Variants in NMI observed in about 807,000 individuals in gnomAD.
NMI encodes N-myc-interactor.
A neutral mutation model predicts 34.3 loss-of-function variants in NMI; 39 were observed. The observed-to-expected ratio is 1.14, with a 90% CI of 0.88 to 1.49. NMI has a LOEUF of 1.49. Among genes scored for constraint, NMI ranks in the 40% most tolerant of loss-of-function variants. The probability of loss-of-function intolerance (pLI) is 0.00; values close to 1 mark genes in which losing one functional copy is unlikely to be tolerated. For synonymous variants in NMI, 113 were observed against 120.3 expected (o/e 0.94, Z 0.40); for missense variants, 339 against 358.1 (o/e 0.95, Z 0.43).
Position 151,283,999 on chromosome 2 carries a change from ACATTGATATATAT to A in NMI, c.-6-1058_-6-1046del, listed in dbSNP as rs555390712. On this transcript the variant is annotated intron_variant, in intron 1 of 7. Coordinates refer to ENST00000243346, the MANE Select transcript of NMI (RefSeq NM_004688.3). ...ACTAGGTCTTGTAATATATTGTAAT[ACATTGATATATAT>A]CACTATATCAAACATTTGCTTTTTA... 9.0e-3 allele frequency among the ~76,000 whole-genome samples: 1,371 copies of A among 152,342 alleles called. 13 individuals are homozygous for A. The highest frequency in any genetic ancestry group is 0.075 in the Middle Eastern group (22 of 294).
At position 151,275,602 on chromosome 2, in the gene NMI, T is replaced by C. The variant is rs767354377; in HGVS notation, c.516A>G (p.Gln172=). Reference sequence around the variant, plus strand: ...AGCTCAGCTCTAGTTTGTCTCTCATTTGATCTTCACGCAATGTGTCAGGAA... The same window carrying C: ...AGCTCAGCTCTAGTTTGTCTCTCATCTGATCTTCACGCAATGTGTCAGGAA... ...TEIPDTLRED[Q]MRDKLELSFS... is the part of the protein sequence containing the mutation. The change falls in exon 6 of 8, where the codon CAA becomes CAG. Residue 172 remains glutamine (Q), a synonymous_variant. Coordinates refer to ENST00000243346, the MANE Select transcript of NMI (RefSeq NM_004688.3). 1 of 1,614,218 alleles carries C rather than the reference T, an allele frequency of 6.2e-7. No homozygotes were observed. The highest frequency in any genetic ancestry group is 1.1e-5 in the South Asian group (1 of 91,086).
At chr2:151,279,105 G>A in intron 3 of NMI, 115 bp from the exon 4 acceptor site, 2 of 664,828 alleles carry the variant, frequency 3.0e-6, no homozygotes, top group South Asian at 2.0e-5. Flanking sequence ...TTAGAACCTT[G>A]TAGAATATTG....
At chr2:151,287,608 A>C (rs570012223) in intron 1 of NMI, among the ~76,000 whole-genome samples, 27 of 152,218 alleles carry the variant, frequency 1.8e-4, no homozygotes, top group African/African-American at 6.3e-4. Flanking sequence ...GGTCCATTCC[A>C]AATTTTCCCC....
At chr2:151,287,786 C>T (rs774532436) in intron 1 of NMI, among the ~76,000 whole-genome samples, 1 of 152,144 alleles carries the variant, frequency 6.6e-6, no homozygotes, top group Non-Finnish European at 1.5e-5. Context: ...ATTCAGAGCA[C>T]TTTCTCAGTA....
rs6747290 is a variant in NMI, at chr2:151,274,000, G to A, written c.634+1484C>T. Among the ~76,000 whole-genome samples the A allele has an allele frequency of 3.9e-3, 587 of 152,082 alleles. 4 individuals are homozygous for A. The highest frequency in any genetic ancestry group is 0.014 in the African/African-American group (563 of 41,500). The stretch of plus-strand genomic sequence containing the variant: ...ACCCCTTCCTTTTATAGCTCTCCCT[G>A]ACACATCCCACCAGGATGTCCTAAA... On this transcript the variant is annotated intron_variant, in intron 6 of 7. Transcript: ENST00000243346.
rs2105199776 is a variant in NMI, at chr2:151,270,509, TG to T, written c.*183del. The T allele has an allele frequency of 5.1e-6, 3 of 583,442 alleles. No homozygotes were observed. In the South Asian group the frequency reaches 7.0e-5, roughly 14 times the overall value. The allele number at this position is 583,442 out of a possible 1,614,324, so 36.1% of individuals were successfully genotyped here. On this transcript the variant is annotated 3_prime_UTR_variant, in exon 8 of 8. Coordinates refer to ENST00000243346, the MANE Select transcript of NMI (RefSeq NM_004688.3). ...TTTATTACAGTGCACTTATTGTAGT[TG>T]AAAACATGCAGCACCATTTGAAACA... is the stretch of plus-strand genomic sequence containing the variant.
Position 151,270,890 on chromosome 2 carries a change from A to C in NMI, c.742-15T>G, listed in dbSNP as rs1318108129. 2 of 1,590,016 alleles carry C rather than the reference A, an allele frequency of 1.3e-6. No individual in the cohort carries two copies. The highest frequency in any genetic ancestry group is 2.7e-5 in the African/African-American group (2 of 74,258). On this transcript the variant is annotated splice_polypyrimidine_tract_variant and intron_variant, in intron 7 of 7. Coordinates refer to ENST00000243346, the MANE Select transcript of NMI (RefSeq NM_004688.3). ...CCTGAAAATATCTAAGAAGGAAAAAATGATAAATAGAAAGATTTCTAAGAG... is the reference window on the plus strand; with the variant it reads ...CCTGAAAATATCTAAGAAGGAAAAACTGATAAATAGAAAGATTTCTAAGAG...
chr2:151,289,429 C>T (rs1683578541), intron 1 of NMI, among the ~76,000 whole-genome samples, 164 bp downstream of exon 1: 1 of 152,218 alleles, frequency 6.6e-6, no homozygotes. Context: ...GGCGTGGCCT[C>T]CGCGACTCGG....
chr2:151,279,418 T>C (rs1250146026), intron 3 of NMI, among the ~76,000 whole-genome samples: 2 of 152,224 alleles, frequency 1.3e-5, no homozygotes. Context: ...TATAATATGG[T>C]ATTTCAAATC....
In NMI at chr2:151,278,868, T is replaced by C; in HGVS notation, c.300A>G (p.Ile100Met). 4 of 1,613,584 alleles carry C rather than the reference T, an allele frequency of 2.5e-6. No homozygotes were observed. Among genetic ancestry groups the C allele is most frequent in the Non-Finnish European group, 3.4e-6 (4 of 1,179,672 alleles). ...FQVSSKVPYE[I>M]QKGQALITFE... The stretch of plus-strand genomic sequence containing the variant: ...AGGTGATAAGTGCTTGTCCTTTTTG[T>C]ATCTCATAAGGAACTTTCGAGCTCA... Residue 100 changes from isoleucine to methionine, a missense_variant, in exon 4 of 8, where the codon ATA becomes ATG. Ile to Met is a conservative substitution (Grantham distance 10). Transcript: ENST00000243346.
In NMI at chr2:151,275,821, T is replaced by C. The variant is rs1262680761; in HGVS notation, c.384A>G (p.Ile128Met). The change falls in exon 5 of 8, where the codon ATA becomes ATG. Residue 128 changes from isoleucine (I) to methionine (M), a missense_variant. Physicochemically the swap from Ile to Met is conservative, Grantham distance 10. Coordinates refer to ENST00000243346, the MANE Select transcript of NMI (RefSeq NM_004688.3). Reference protein sequence around the residue: ...VVSMSKHHVQIKDVNLEVTAK... With the variant: ...VVSMSKHHVQMKDVNLEVTAK... ...CCGTAACCTCCAGATTTACATCTTT[T>C]ATCTGTACATGATGTTTACTCATGC... 1 of 1,613,216 alleles carries C rather than the reference T, an allele frequency of 6.2e-7. No individual in the cohort carries two copies. The highest frequency in any genetic ancestry group is 1.7e-5 in the Admixed American group (1 of 59,916).
At chr2:151,273,654 T>G (rs1267899629) in intron 6 of NMI, among the ~76,000 whole-genome samples, 2 of 152,034 alleles carry the variant, frequency 1.3e-5, no homozygotes, top group African/African-American at 4.8e-5. Flanking sequence ...TCCCAAGTAG[T>G]TGGGACTATA....
chr2:151,281,553 G>A (rs1683404412), intron 3 of NMI, among the ~76,000 whole-genome samples: 1 of 152,164 alleles, frequency 6.6e-6, no homozygotes, highest in South Asian at 2.1e-4. Context: ...ACCCCCTTGG[G>A]TTCCCTTCTG....
chr2:151,279,053 A>C, intron 3 of NMI, 63 bp from the exon 4 acceptor site: 1 of 1,128,640 alleles, frequency 8.9e-7, no homozygotes, highest in Non-Finnish European at 1.3e-6. Context: ...CCTTCCAATG[A>C]TAATGTAATT....
rs1030358937 is a variant in NMI at position 151,274,874 on chromosome 2, AT to A, written c.634+609del. Among the ~76,000 whole-genome samples the A allele has an allele frequency of 1.6e-4, 24 of 147,290 alleles. 1 individual carries two copies. Among genetic ancestry groups the A allele is most frequent in the African/African-American group, 4.7e-4 (19 of 40,244 alleles). ...TGTCATGAAAAAATCTAATCCATCA[AT>A]TTTTTTTTTTAATTTTGTTTTTTGA... On this transcript the variant is annotated intron_variant, in intron 6 of 7. Coordinates refer to ENST00000243346, the MANE Select transcript of NMI (RefSeq NM_004688.3).
At chr2:151,284,947 C>T (rs184170124) in intron 1 of NMI, among the ~76,000 whole-genome samples, 22 of 152,216 alleles carry the variant, frequency 1.4e-4, no homozygotes, top group Admixed American at 2.6e-4. Context: ...AGAGGAGAGT[C>T]GCATAACACC....
intron 2 of NMI, among the ~76,000 whole-genome samples, chr2:151,282,451 T>C (rs1243713631): frequency 1.3e-5 from 2 of 152,188 alleles, no homozygotes; most frequent in Non-Finnish European, 2.9e-5. Flanking sequence ...TTGTTGGTGT[T>C]GTTGTTGTTT....
intron 4 of NMI, 28 bp downstream of exon 4, chr2:151,278,800 T>A (rs1179968298): frequency 6.4e-7 from 1 of 1,572,034 alleles, no homozygotes; most frequent in South Asian, 1.1e-5. Context: ...CCAAATAACA[T>A]GGTCATATTT....
chr2:151,280,975 G>A (rs1462952481), intron 3 of NMI, among the ~76,000 whole-genome samples: 2 of 151,866 alleles, frequency 1.3e-5, no homozygotes, highest in Non-Finnish European at 2.9e-5. Flanking sequence ...CCAAGTAGCT[G>A]GGATACAGGC....
Sources: allele counts gnomAD v4.1 joint callset (sites outside exome capture counted in the v4.1 genomes callset), GRCh38; gene constraint gnomAD v4.1.1; transcripts MANE v1.5; gene names NCBI Gene and HGNC (gene_info 2026-07-23, HGNC 2026-07-21).